The following PCDH7 variants were observed in gnomAD, a reference collection of about 807,000 sequenced individuals.
PCDH7 encodes protocadherin-7.
PCDH7 carries 17 observed loss-of-function variants against 58.9 expected under a neutral mutation model. That is an observed-to-expected ratio of 0.29 (90% CI 0.20 to 0.43). The LOEUF is 0.43. Ranked by LOEUF, PCDH7 falls within the 20% of genes least tolerant of loss-of-function variation. The pLI, the probability that PCDH7 is intolerant of heterozygous loss-of-function variation, is 1.00. For synonymous variants in PCDH7, 664 were observed against 616.4 expected, an observed-to-expected ratio of 1.08 and a Z score of -1.14; for missense variants, 1,274 against 1,441.0, an observed-to-expected ratio of 0.88 and a Z score of 1.88.
intron 1 of PCDH7, among the ~76,000 whole-genome samples, chr4:30,865,809 T>C (rs548132414): frequency 6.6e-6 from 1 of 152,232 alleles, no homozygotes; most frequent in South Asian, 2.1e-4. Flanking sequence ...GTAGCTGGCA[T>C]ACTTATAGAG....
At chr4:30,762,983 C>T (rs1274663291) in intron 1 of PCDH7, among the ~76,000 whole-genome samples, 1 of 152,140 alleles carries the variant, frequency 6.6e-6, no homozygotes, top group Non-Finnish European at 1.5e-5. Flanking sequence ...TGGCTCATGC[C>T]TGCAATACCA....
intron 1 of PCDH7, among the ~76,000 whole-genome samples, chr4:30,769,533 G>A (rs1436060649): frequency 3.9e-5 from 6 of 152,060 alleles, no homozygotes; most frequent in African/African-American, 1.4e-4. Flanking sequence ...TTTTAATTGT[G>A]CTTGTAGTTA....
At chr4:30,728,211 T>C (rs1170400082) in intron 1 of PCDH7, among the ~76,000 whole-genome samples, 1 of 151,444 alleles carries the variant, frequency 6.6e-6, no homozygotes, top group African/African-American at 2.4e-5. Flanking sequence ...TGCTGTCATC[T>C]ATTAAGCAAT....
At chr4:30,746,529 C>T (rs4613528) in intron 1 of PCDH7, among the ~76,000 whole-genome samples, 65,659 of 151,964 alleles carry the variant, frequency 0.43, 15,433 homozygotes, top group Middle Eastern at 0.53. Context: ...CCAACTTTTC[C>T]ATTTTCTTGA....
At chr4:31,035,000 G>A (rs1167638985) in intron 3 of PCDH7, among the ~76,000 whole-genome samples, 1 of 152,096 alleles carries the variant, frequency 6.6e-6, no homozygotes, top group Non-Finnish European at 1.5e-5. Context: ...CTCTGAGACA[G>A]GGAGATTAGG....
intron 1 of PCDH7, among the ~76,000 whole-genome samples, chr4:30,762,794 A>G (rs79808348): frequency 0.026 from 3,902 of 152,310 alleles, 71 homozygotes; most frequent in Non-Finnish European, 0.039. Context: ...ACACAAAATC[A>G]AACAAACATG....
chr4:31,068,752 T>C lies in PCDH7; in HGVS notation c.*8-73721T>C, dbSNP rs975281854. ...GTTATAAGAAAGGAGGCTGTGTCTG[T>C]TGAACTCCACCTGACATTGTTCTTT... On this transcript the variant is annotated intron_variant, in intron 3 of 3. Coordinates refer to the PCDH7 transcript ENST00000509759. Among the ~76,000 whole-genome samples, 3 of 151,968 alleles carry C rather than the reference T, an allele frequency of 2.0e-5. No homozygotes were observed. The East Asian group carries it at 5.8e-4, about 29-fold the overall frequency.
chr4:31,137,124 C>G (rs1197260449), intron 3 of PCDH7, among the ~76,000 whole-genome samples: 1 of 152,200 alleles, frequency 6.6e-6, no homozygotes. Flanking sequence ...TGTAAGTCCA[C>G]CAAATTTCAC....
At chr4:31,001,561 A>G (rs1237786678) in intron 3 of PCDH7, among the ~76,000 whole-genome samples, 1 of 152,130 alleles carries the variant, frequency 6.6e-6, no homozygotes, top group African/African-American at 2.4e-5. Flanking sequence ...ACACACGTAC[A>G]TACATTCAAA....
At chr4:30,779,053 CTG>C (rs1722457316) in intron 1 of PCDH7, among the ~76,000 whole-genome samples, 1 of 124,204 alleles carries the variant, frequency 8.1e-6, no homozygotes, top group African/African-American at 3.1e-5. Context: ...GAGTCTCACT[CTG>C]TGTCGTTCAG....
chr4:31,123,756 T>C (rs1026292394), intron 3 of PCDH7, among the ~76,000 whole-genome samples: 1 of 152,046 alleles, frequency 6.6e-6, no homozygotes, highest in Admixed American at 6.6e-5. Flanking sequence ...ACGAACAGAT[T>C]GAAGGGTGGT....
At chr4:30,802,000 G>A (rs1301777908) in intron 1 of PCDH7, among the ~76,000 whole-genome samples, 2 of 152,156 alleles carry the variant, frequency 1.3e-5, no homozygotes, top group African/African-American at 4.8e-5. Context: ...GCTAAATTCC[G>A]TGGGTGAAAA....
intron 1 of PCDH7, chr4:30,776,332 CTATAAG>C (rs1478584980): frequency 4.6e-5 from 7 of 152,170 alleles, no homozygotes; most frequent in African/African-American, 7.2e-5. Context: ...GGAATGTAGT[CTATAAG>C]TATGTTTGTT....
At chr4:30,727,842 G>C (rs762073875) in intron 1 of PCDH7, among the ~76,000 whole-genome samples, 7 of 151,838 alleles carry the variant, frequency 4.6e-5, no homozygotes, top group South Asian at 2.1e-4. Context: ...AAGAGTGATA[G>C]TATGAAAAGT....
At chr4:30,843,647 C>G (rs1017692220) in intron 1 of PCDH7, among the ~76,000 whole-genome samples, 4 of 152,176 alleles carry the variant, frequency 2.6e-5, no homozygotes, top group African/African-American at 9.7e-5. Context: ...AAACATCTAT[C>G]TGAACTAATT....
At chr4:31,006,748 C>T (rs1290071093) in intron 3 of PCDH7, among the ~76,000 whole-genome samples, 1 of 151,750 alleles carries the variant, frequency 6.6e-6, no homozygotes, top group Non-Finnish European at 1.5e-5. Context: ...CAAAATTAGC[C>T]AGGTGTAGTG....
At chr4:30,844,646 C>T (rs1731672707) in intron 1 of PCDH7, among the ~76,000 whole-genome samples, 2 of 152,168 alleles carry the variant, frequency 1.3e-5, no homozygotes, top group East Asian at 1.9e-4. Context: ...TTCACACAAA[C>T]CACATTATTT....
intron 3 of PCDH7, among the ~76,000 whole-genome samples, chr4:30,984,874 A>G (rs367738420): frequency 5.3e-5 from 8 of 152,178 alleles, no homozygotes; most frequent in South Asian, 2.1e-4. Flanking sequence ...CTGAAATTTT[A>G]GTTACATTTG....
rs867948643 is a variant in PCDH7, at chr4:31,020,487, T to C, written c.*7+70272T>C. On this transcript the variant is annotated intron_variant, in intron 3 of 3. Coordinates refer to the PCDH7 transcript ENST00000509759. ...AAACAGCTTCTAAAGTGTAGGCGAA[T>C]CAAGTTCTAATTCACAATTGCACTG... 8.7e-4 allele frequency among the ~76,000 whole-genome samples: 133 copies of C among 152,314 alleles called. 1 individual carries two copies. Among genetic ancestry groups the C allele is most frequent in the African/African-American group, 3.0e-3 (123 of 41,580 alleles).
Sources: allele counts gnomAD v4.1 joint callset (sites outside exome capture counted in the v4.1 genomes callset), GRCh38; gene constraint gnomAD v4.1.1; transcripts MANE v1.5; gene names NCBI Gene and HGNC (gene_info 2026-07-23, HGNC 2026-07-21).